Variants in RYR3 observed in about 807,000 individuals in gnomAD.
RYR3 encodes the protein brain ryanodine receptor-calcium release channel.
In RYR3, 207 loss-of-function variants were observed where a neutral mutation model predicts 584.3. That is an observed-to-expected ratio of 0.35 (90% CI 0.32 to 0.40). RYR3 has a LOEUF of 0.40. Among genes scored for constraint, RYR3 ranks in the 10% least tolerant of loss-of-function variants. The pLI, the probability that RYR3 is intolerant of heterozygous loss-of-function variation, is 1.00. For missense variants in RYR3, 5,616 were observed against 6,089.2 expected, an observed-to-expected ratio of 0.92 and a Z score of 2.59; for synonymous variants, 2,416 against 2,248.5, an observed-to-expected ratio of 1.07 and a Z score of -2.11.
intron 2 of RYR3, among the ~76,000 whole-genome samples, chr15:33,496,250 G>A (rs1259767081): frequency 6.6e-6 from 1 of 152,290 alleles, no homozygotes; most frequent in African/African-American, 2.4e-5. Flanking sequence ...GCATATAGAA[G>A]CCAGGCCACT....
At chr15:33,780,668 C>CT (rs1189962919) in intron 65 of RYR3, among the ~76,000 whole-genome samples, 2 of 152,246 alleles carry the variant, frequency 1.3e-5, no homozygotes, top group East Asian at 3.9e-4. Flanking sequence ...GATGTGACTC[C>CT]TTTTTTGCAG....
At chr15:33,811,328 A>AC (rs561096972) in intron 72 of RYR3, among the ~76,000 whole-genome samples, 1 of 151,992 alleles carries the variant, frequency 6.6e-6, no homozygotes, top group South Asian at 2.1e-4. Context: ...ACACGGTGAA[A>AC]CCCCGTCTGT....
chr15:33,838,444 A>G lies in RYR3; in HGVS notation c.12464A>G (p.Asp4155Gly). 1 of 1,614,018 alleles carries G rather than the reference A, an allele frequency of 6.2e-7. No homozygotes were observed. The highest frequency in any genetic ancestry group is 8.5e-7 in the Non-Finnish European group (1 of 1,179,886). ...GCCTCTGTGAAGAGGAATGTCACCG[A>G]CTTCCTGAAGAGAGCAACCCTGAAG... The part of the protein sequence containing the change: ...ACASVKRNVT[D>G]FLKRATLKNL... The change falls in exon 89 of 104, where the codon GAC becomes GGC. Residue 4155 changes from aspartate (D) to glycine (G), a missense_variant. Physicochemically the swap from Asp to Gly is moderately conservative, Grantham distance 94. This residue lies in a region of RYR3 where 918 missense variants were observed against 887.4 expected (regional missense o/e 1.03). Coordinates refer to ENST00000634891, the MANE Select transcript of RYR3 (RefSeq NM_001036.6).
chr15:33,386,176 C>A (rs1324460114), intron 1 of RYR3, among the ~76,000 whole-genome samples: 1 of 152,154 alleles, frequency 6.6e-6, no homozygotes, highest in East Asian at 1.9e-4. Context: ...AAATTCTTTT[C>A]TTTCCAACAC....
intron 42 of RYR3, among the ~76,000 whole-genome samples, chr15:33,706,139 A>T (rs888004292): frequency 1.4e-5 from 2 of 147,974 alleles, no homozygotes; most frequent in African/African-American, 2.5e-5. Context: ...GCTATCTTAT[A>T]AAAAAAAAAA....
intron 52 of RYR3, among the ~76,000 whole-genome samples, chr15:33,744,918 A>C (rs72715112): frequency 6.6e-6 from 1 of 152,212 alleles, no homozygotes; most frequent in African/African-American, 2.4e-5. Flanking sequence ...TAGTGTGCCC[A>C]CAAATGATTG....
At chr15:33,536,012 C>T (rs1238166996) in intron 5 of RYR3, among the ~76,000 whole-genome samples, 1 of 152,182 alleles carries the variant, frequency 6.6e-6, no homozygotes, top group Non-Finnish European at 1.5e-5. Context: ...TTGAAGAAAG[C>T]TAGCTGGCGT....
At chr15:33,439,072 A>G (rs1164011086) in intron 1 of RYR3, among the ~76,000 whole-genome samples, 2 of 152,332 alleles carry the variant, frequency 1.3e-5, no homozygotes, top group East Asian at 3.9e-4. Flanking sequence ...CTTTTAATGT[A>G]GTTGTCTGGT....
intron 2 of RYR3, among the ~76,000 whole-genome samples, chr15:33,493,960 T>C (rs1003618425): frequency 6.6e-6 from 1 of 152,108 alleles, no homozygotes; most frequent in Non-Finnish European, 1.5e-5. Flanking sequence ...ATATTGATAA[T>C]TGATGCAAGT....
At chr15:33,635,572 T>A (rs2061459533) in intron 25 of RYR3, 42 bp from the exon 26 acceptor site, 3 of 1,512,932 alleles carry the variant, frequency 2.0e-6, no homozygotes, top group Non-Finnish European at 2.7e-6. Context: ...ACGTTCTCTC[T>A]TTCCCTTCCA....
At chr15:33,864,945 G>C (rs920992842) in intron 103 of RYR3, 186 bp from the exon 104 acceptor site, 3 of 543,194 alleles carry the variant, frequency 5.5e-6, no homozygotes, top group Non-Finnish European at 9.8e-6. Context: ...GCATGTGTCA[G>C]AGAGACATGG....
In RYR3 at chr15:33,637,449, G is replaced by T. The variant is rs375962807; in HGVS notation, c.3556+899G>T. Among the ~76,000 whole-genome samples, 64 of 152,354 alleles carry T rather than the reference G, an allele frequency of 4.2e-4. No homozygotes were observed. In the South Asian group the frequency reaches 6.2e-3, roughly 15 times the overall value. On this transcript the variant is annotated intron_variant, in intron 27 of 103. Coordinates refer to ENST00000634891, the MANE Select transcript of RYR3 (RefSeq NM_001036.6). ...CTGTTTCCTCCTCACGGACGAGAAG[G>T]GGGCTGTGCTGGATCAGGAGACCTG... is the stretch of plus-strand genomic sequence containing the variant.
intron 1 of RYR3, among the ~76,000 whole-genome samples, chr15:33,355,436 A>G (rs1973840073): frequency 6.6e-6 from 1 of 152,092 alleles, no homozygotes; most frequent in African/African-American, 2.4e-5. Context: ...ACCCTATGAG[A>G]TGTATGTTAT....
Position 33,566,811 on chromosome 15 carries a change from C to T in RYR3, c.1268+12C>T, listed in dbSNP as rs1367448246. The T allele has an allele frequency of 1.2e-6, 2 of 1,613,438 alleles. No homozygotes were observed. Among genetic ancestry groups the T allele is most frequent in the African/African-American group, 1.3e-5 (1 of 74,894 alleles). On this transcript the variant is annotated intron_variant, in intron 12 of 103. Coordinates refer to ENST00000634891, the MANE Select transcript of RYR3 (RefSeq NM_001036.6). ...AGCCAGTTTGTCAGGTATGTTAGCT[C>T]CTTTCCTCCTCTACCTAGTGAGTTT...
chr15:33,780,119 C>T, intron 64 of RYR3, 92 bp from the exon 65 acceptor site: 3 of 1,491,092 alleles, frequency 2.0e-6, no homozygotes, highest in Non-Finnish European at 2.7e-6. Context: ...TAGGGATGTC[C>T]ATGGATTAAT....
At chr15:33,722,279 A>G (rs1422960907) in intron 43 of RYR3, among the ~76,000 whole-genome samples, 1 of 152,214 alleles carries the variant, frequency 6.6e-6, no homozygotes, top group African/African-American at 2.4e-5. Flanking sequence ...TGAATGAATC[A>G]GTATTCCATG....
intron 16 of RYR3, among the ~76,000 whole-genome samples, chr15:33,591,617 C>G (rs2059132778): frequency 6.6e-6 from 1 of 152,156 alleles, no homozygotes; most frequent in African/African-American, 2.4e-5. Flanking sequence ...TAAGATTCTG[C>G]TAATATAAAT....
chr15:33,496,692 A>G (rs1451374145), intron 2 of RYR3, among the ~76,000 whole-genome samples: 1 of 152,114 alleles, frequency 6.6e-6, no homozygotes, highest in African/African-American at 2.4e-5. Flanking sequence ...TCATTAAACA[A>G]AAATTTGAGA....
chr15:33,834,002 C>T (rs2077858728), intron 86 of RYR3, among the ~76,000 whole-genome samples: 1 of 152,088 alleles, frequency 6.6e-6, no homozygotes, highest in South Asian at 2.1e-4. Context: ...AGATTATTGA[C>T]CGCGCACTGT....
Sources: gnomAD v4.1 joint callset for allele counts (sites outside exome capture counted in the v4.1 genomes callset) on GRCh38, gnomAD v4.1.1 for gene constraint, gnomAD v4.1.1 regional missense constraint, MANE v1.5 for transcripts, NCBI Gene and HGNC (gene_info 2026-07-23, HGNC 2026-07-21) for gene names.